The following ROBO1 variants were observed in gnomAD, a reference collection of about 807,000 sequenced individuals.
ROBO1 encodes roundabout guidance receptor 1.
Under a neutral mutation model 195.9 loss-of-function variants are expected in ROBO1, and 149 were observed. The observed-to-expected ratio is 0.76, with a 90% CI of 0.67 to 0.87. The LOEUF is 0.87. ROBO1 is among the 40% of genes least tolerant of loss of function. The pLI is 0.00. For missense variants in ROBO1, 1,933 were observed against 2,068.3 expected (o/e 0.93, Z 1.27); for synonymous variants, 816 against 733.2 (o/e 1.11, Z -1.82).
chr3:79,436,568 A>G (rs1253854514), intron 2 of ROBO1, among the ~76,000 whole-genome samples: 1 of 152,128 alleles, frequency 6.6e-6, no homozygotes, highest in East Asian at 1.9e-4. Flanking sequence ...GTAGGTTGTC[A>G]TGTAAACTAA....
intron 2 of ROBO1, among the ~76,000 whole-genome samples, chr3:79,214,826 A>AT (rs60371742): frequency 1.4e-3 from 182 of 129,122 alleles, no homozygotes; most frequent in South Asian, 2.6e-3. Flanking sequence ...ATATATATAT[A>AT]TTTTTTTTTT....
intron 4 of ROBO1, among the ~76,000 whole-genome samples, chr3:78,883,747 T>G (rs967824858): frequency 1.3e-5 from 2 of 152,142 alleles, no homozygotes; most frequent in Non-Finnish European, 2.9e-5. Flanking sequence ...ATAGTTTTTG[T>G]GGGTTTGCTC....
intron 1 of ROBO1, among the ~76,000 whole-genome samples, chr3:79,631,469 A>T (rs751948701): frequency 2.6e-5 from 4 of 151,976 alleles, no homozygotes; most frequent in African/African-American, 7.2e-5. Flanking sequence ...ATCTCTTACC[A>T]TATAGAAAAA....
At chr3:79,140,040 A>G (rs1179161913) in intron 2 of ROBO1, among the ~76,000 whole-genome samples, 1 of 152,130 alleles carries the variant, frequency 6.6e-6, no homozygotes, top group Non-Finnish European at 1.5e-5. Flanking sequence ...ATGGGGAATC[A>G]GGAAGAAATA....
At chr3:79,327,601 ATATG>A (rs750366558) in intron 2 of ROBO1, among the ~76,000 whole-genome samples, 37 of 152,016 alleles carry the variant, frequency 2.4e-4, no homozygotes, top group Non-Finnish European at 4.9e-4. Context: ...ATATATATAT[ATATG>A]TCTGAAGAAC....
chr3:78,762,978 A>G (rs2083143092), intron 4 of ROBO1, among the ~76,000 whole-genome samples: 1 of 152,138 alleles, frequency 6.6e-6, no homozygotes. Context: ...AAGAAGAGGA[A>G]GATGAAATAA....
intron 4 of ROBO1, among the ~76,000 whole-genome samples, chr3:78,861,609 T>C (rs2034843875): frequency 6.6e-6 from 1 of 152,220 alleles, no homozygotes; most frequent in Non-Finnish European, 1.5e-5. Flanking sequence ...GTCTTTGCTC[T>C]CATGTTATGT....
rs1702883864 is a variant in ROBO1, at chr3:78,597,400, T to C, written c.*1513A>G. ...TTCCCTTAGTACTGCACGCCTTTTC[T>C]ATGGAACTTTTTCAAATTATCTAAA... On this transcript the variant is annotated 3_prime_UTR_variant, in exon 31 of 31. Transcript: ENST00000464233. 6.6e-6 allele frequency: 1 copy of C among 152,596 alleles called. No homozygotes were observed. Among genetic ancestry groups the C allele is most frequent in the African/African-American group, 2.4e-5 (1 of 41,452 alleles). 9.5% of individuals were successfully genotyped at this position (152,596 alleles called of 1,614,324 possible).
At chr3:78,902,578 G>C (rs547762446) in intron 4 of ROBO1, among the ~76,000 whole-genome samples, 305 of 152,250 alleles carry the variant, frequency 2.0e-3, no homozygotes, top group African/African-American at 7.1e-3. Flanking sequence ...GCTGGGTGCA[G>C]TGGCTCATGC....
chr3:79,342,942 C>T (rs566461687), intron 2 of ROBO1, among the ~76,000 whole-genome samples: 1 of 152,268 alleles, frequency 6.6e-6, no homozygotes, highest in East Asian at 1.9e-4. Context: ...TATGTATCTA[C>T]CACTATAGTA....
intron 1 of ROBO1, among the ~76,000 whole-genome samples, chr3:79,624,181 A>G (rs958200937): frequency 1.3e-5 from 2 of 152,034 alleles, no homozygotes; most frequent in African/African-American, 4.8e-5. Context: ...CTACCATGCA[A>G]GAGCTCCTAG....
intron 5 of ROBO1, among the ~76,000 whole-genome samples, chr3:78,745,306 CAAAA>C (rs11360584): frequency 2.8e-5 from 2 of 71,136 alleles, no homozygotes; most frequent in African/African-American, 3.8e-5. Context: ...GACTCCATTT[CAAAA>C]AAAAAAAAAA....
chr3:78,804,541 T>G (rs567071338), intron 4 of ROBO1, among the ~76,000 whole-genome samples: 1 of 152,226 alleles, frequency 6.6e-6, no homozygotes, highest in African/African-American at 2.4e-5. Context: ...AAAAGAGTCT[T>G]TTATTAAACT....
intron 4 of ROBO1, among the ~76,000 whole-genome samples, chr3:78,865,233 A>G (rs1306657042): frequency 1.3e-5 from 2 of 152,204 alleles, no homozygotes; most frequent in Non-Finnish European, 2.9e-5. Context: ...ATGTATAATC[A>G]ATGCCAAATA....
chr3:79,201,359 T>G (rs2108779386), intron 2 of ROBO1, among the ~76,000 whole-genome samples: 1 of 152,078 alleles, frequency 6.6e-6, no homozygotes, highest in East Asian at 1.9e-4. Flanking sequence ...GTTTCTAAGG[T>G]TTAATACAAA....
At chr3:78,631,130 C>T in intron 25 of ROBO1, 31 bp downstream of exon 25, 1 of 1,592,738 alleles carries the variant, frequency 6.3e-7, no homozygotes, top group Non-Finnish European at 8.6e-7. Flanking sequence ...TCATATTACA[C>T]TGTTTACATC....
At chr3:78,842,258 TTATA>T (rs1377752367) in intron 4 of ROBO1, among the ~76,000 whole-genome samples, 48 of 136,146 alleles carry the variant, frequency 3.5e-4, no homozygotes, top group Non-Finnish European at 5.4e-4. Context: ...ATATATATAT[TTATA>T]TATATGAGCC....
At chr3:79,635,350 A>C (rs1437862286) in intron 1 of ROBO1, among the ~76,000 whole-genome samples, 1 of 152,190 alleles carries the variant, frequency 6.6e-6, no homozygotes, top group Non-Finnish European at 1.5e-5. Context: ...AGATGATACA[A>C]ATAAAACCAT....
intron 4 of ROBO1, among the ~76,000 whole-genome samples, chr3:78,817,198 C>T (rs1428429683): frequency 6.6e-6 from 1 of 152,026 alleles, no homozygotes; most frequent in Non-Finnish European, 1.5e-5. Context: ...ATTACCACAG[C>T]CACCCAAGCC....
Sources: allele counts gnomAD v4.1 joint callset (sites outside exome capture counted in the v4.1 genomes callset), GRCh38; gene constraint gnomAD v4.1.1; transcripts MANE v1.5; gene names NCBI Gene and HGNC (gene_info 2026-07-23, HGNC 2026-07-21).